The following PDZRN3 variants were observed in gnomAD, a reference collection of about 807,000 sequenced individuals.
The protein encoded by PDZRN3 is PDZ domain containing ring finger 3.
Under a neutral mutation model 85.7 loss-of-function variants are expected in PDZRN3, and 38 were observed. The ratio of observed to expected loss-of-function variants is 0.44; its 90% CI spans 0.34 to 0.58. PDZRN3 has a LOEUF of 0.58. PDZRN3 is among the 20% of genes least tolerant of loss of function. The pLI, the probability that PDZRN3 is intolerant of heterozygous loss-of-function variation, is 0.01. For synonymous variants in PDZRN3, 759 were observed against 638.0 expected, an observed-to-expected ratio of 1.19 and a Z score of -2.86; for missense variants, 1,629 against 1,506.4, an observed-to-expected ratio of 1.08 and a Z score of -1.35.
In PDZRN3 at chr3:73,620,035, G is replaced by A. The variant is rs375007486; in HGVS notation, c.723+4068C>T. 1.2e-4 allele frequency among the ~76,000 whole-genome samples: 18 copies of A among 152,292 alleles called. No homozygotes were observed. In the East Asian group the frequency reaches 3.5e-3, roughly 29 times the overall value. ...AGTAGGTAGGTAGGTAGATGCCCGG[G>A]ATGTTGCTAAACATCCTACAATGCA... On this transcript the variant is annotated intron_variant, in intron 1 of 9. Coordinates refer to ENST00000263666, the MANE Select transcript of PDZRN3 (RefSeq NM_015009.3).
At chr3:73,548,864 A>G (rs1701489398) in intron 3 of PDZRN3, among the ~76,000 whole-genome samples, 1 of 152,252 alleles carries the variant, frequency 6.6e-6, no homozygotes, top group African/African-American at 2.4e-5. Flanking sequence ...ATAAGGAAAA[A>G]TGGAAAACAG....
intron 3 of PDZRN3, among the ~76,000 whole-genome samples, chr3:73,557,897 CAA>C (rs1701734940): frequency 6.6e-6 from 1 of 151,956 alleles, no homozygotes; most frequent in Non-Finnish European, 1.5e-5. Flanking sequence ...TACAAAAACT[CAA>C]GAGTTAAATT....
chr3:73,501,180 T>A (rs1013668829), intron 3 of PDZRN3, among the ~76,000 whole-genome samples: 2 of 152,188 alleles, frequency 1.3e-5, no homozygotes, highest in African/African-American at 4.8e-5. Context: ...TCCAAACACA[T>A]AGCCACAGCT....
At chr3:73,596,552 T>C (rs988053705) in intron 3 of PDZRN3, among the ~76,000 whole-genome samples, 1 of 152,222 alleles carries the variant, frequency 6.6e-6, no homozygotes, top group African/African-American at 2.4e-5. Flanking sequence ...CTTCACCTCA[T>C]GTGAGACCTG....
At chr3:73,590,960 T>C (rs973689474) in intron 3 of PDZRN3, among the ~76,000 whole-genome samples, 6 of 152,206 alleles carry the variant, frequency 3.9e-5, no homozygotes, top group Admixed American at 6.5e-5. Context: ...GCAATTCCCA[T>C]GCCCCATCAG....
At chr3:73,615,519 C>A (rs1017774890) in intron 1 of PDZRN3, among the ~76,000 whole-genome samples, 3 of 152,004 alleles carry the variant, frequency 2.0e-5, no homozygotes, top group African/African-American at 7.3e-5. Flanking sequence ...GCCTTTGGGA[C>A]GTGATTAGGG....
At position 73,474,346 on chromosome 3, in the gene PDZRN3, T is replaced by C. The variant is rs551290988; in HGVS notation, c.919-69951A>G. On this transcript the variant is annotated intron_variant, in intron 3 of 9. Transcript: ENST00000263666. ...ATCAGCTTAGGAAGTTTACTTTACC[T>C]ATGCAGTATTTCTAAAGCAAACTGC... The C allele has an allele frequency of 5.5e-5, 28 of 512,452 alleles. No individual in the cohort carries two copies. In the East Asian group the frequency reaches 1.2e-3, roughly 21 times the overall value. 31.7% of individuals were successfully genotyped at this position (512,452 alleles called of 1,614,324 possible).
chr3:73,385,350 AG>A (rs1701350747), intron 9 of PDZRN3, among the ~76,000 whole-genome samples: 1 of 152,234 alleles, frequency 6.6e-6, no homozygotes, highest in African/African-American at 2.4e-5. Context: ...TGTTAAACAG[AG>A]GGGATTGCTT....
At chr3:73,595,209 T>C (rs1331460710) in intron 3 of PDZRN3, among the ~76,000 whole-genome samples, 1 of 152,236 alleles carries the variant, frequency 6.6e-6, no homozygotes, top group Non-Finnish European at 1.5e-5. Flanking sequence ...CTGCTTACTT[T>C]TGCAGCTAAC....
chr3:73,589,748 G>C lies in PDZRN3; in HGVS notation c.918+12606C>G, dbSNP rs77845033. Among the ~76,000 whole-genome samples the C allele has an allele frequency of 2.2e-4, 33 of 152,236 alleles. 1 individual carries two copies. In the East Asian group the frequency reaches 6.4e-3, roughly 29 times the overall value. On this transcript the variant is annotated intron_variant, in intron 3 of 9. Coordinates refer to ENST00000263666, the MANE Select transcript of PDZRN3 (RefSeq NM_015009.3). The stretch of plus-strand genomic sequence containing the variant: ...GTATAAATGAAGATTATTAAACACA[G>C]ACTATATACAAAACAGCTTAAAACT...
chr3:73,462,573 C>CCAT (rs1703130388), intron 3 of PDZRN3, among the ~76,000 whole-genome samples: 1 of 148,630 alleles, frequency 6.7e-6, no homozygotes, highest in Non-Finnish European at 1.5e-5. Flanking sequence ...GAACTTGATT[C>CCAT]CATTTGGGTC....
chr3:73,421,473 C>T (rs912453290), intron 3 of PDZRN3, among the ~76,000 whole-genome samples: 2 of 152,118 alleles, frequency 1.3e-5, no homozygotes, highest in East Asian at 3.8e-4. Flanking sequence ...GCATATGACC[C>T]GGAGAACATA....
rs369569359 is a variant in PDZRN3 at position 73,384,098 on chromosome 3, C to A, written c.2468G>T (p.Ser823Ile). ...EDPEVGTPTYSPSLKELDPNQ... is the reference protein window; with the variant it reads ...EDPEVGTPTYIPSLKELDPNQ... ...GGGGTCCAGCTCCTTCAGGGACGGG[C>A]TATAGGTAGGGGTGCCCACTTCGGG... The change falls in exon 10 of 10, where the codon AGC becomes ATC. Residue 823 changes from serine to isoleucine, a missense_variant. Ser to Ile is a moderately radical substitution (Grantham distance 142, BLOSUM62 -2). Coordinates refer to ENST00000263666, the MANE Select transcript of PDZRN3 (RefSeq NM_015009.3). 1 of 1,613,862 alleles carries A rather than the reference C, an allele frequency of 6.2e-7. No individual in the cohort carries two copies.
intron 3 of PDZRN3, among the ~76,000 whole-genome samples, chr3:73,538,652 G>A (rs141515530): frequency 1.0e-3 from 158 of 152,304 alleles, no homozygotes; most frequent in South Asian, 3.7e-3. Context: ...GTCAGGCAAT[G>A]CAGTTAACCT....
chr3:73,398,354 G>C (rs962825136), intron 5 of PDZRN3, among the ~76,000 whole-genome samples: 1 of 152,200 alleles, frequency 6.6e-6, no homozygotes, highest in Non-Finnish European at 1.5e-5. Flanking sequence ...GAGAACAAGA[G>C]GAAATGATAG....
chr3:73,389,919 G>T, intron 6 of PDZRN3, 41 bp from the exon 7 acceptor site: 1 of 1,459,052 alleles, frequency 6.9e-7, no homozygotes, highest in Non-Finnish European at 9.6e-7. Flanking sequence ...ACGCAGACAT[G>T]CATGAAAATA....
intron 3 of PDZRN3, among the ~76,000 whole-genome samples, chr3:73,447,359 C>T (rs1702771358): frequency 6.6e-6 from 1 of 152,090 alleles, no homozygotes; most frequent in South Asian, 2.1e-4. Context: ...CCTGTCTCCT[C>T]CCTCTCCAGG....
At chr3:73,469,005 A>G (rs1367512134) in intron 3 of PDZRN3, among the ~76,000 whole-genome samples, 1 of 151,954 alleles carries the variant, frequency 6.6e-6, no homozygotes, top group African/African-American at 2.4e-5. Context: ...TATTATGATT[A>G]TACTTATTAT....
chr3:73,604,778 G>A (rs1291828273), intron 2 of PDZRN3, among the ~76,000 whole-genome samples: 1 of 152,190 alleles, frequency 6.6e-6, no homozygotes, highest in Non-Finnish European at 1.5e-5. Flanking sequence ...GCTTTCGTTT[G>A]TTTTGCAAAA....
Sources: gnomAD v4.1 joint callset for allele counts (sites outside exome capture counted in the v4.1 genomes callset) on GRCh38, gnomAD v4.1.1 for gene constraint, MANE v1.5 for transcripts, NCBI Gene and HGNC (gene_info 2026-07-23, HGNC 2026-07-21) for gene names.